The following YEATS2 variants were observed in gnomAD, a reference collection of about 807,000 sequenced individuals.
YEATS2 encodes the protein YEATS domain containing 2.
A neutral mutation model predicts 163.2 loss-of-function variants in YEATS2; 77 were observed. The observed-to-expected ratio is 0.47, with a 90% CI of 0.39 to 0.57. The LOEUF (loss-of-function observed/expected upper bound fraction) is 0.57, where lower values mean the gene tolerates loss of function less well. Among genes scored for constraint, YEATS2 ranks in the 20% least tolerant of loss-of-function variants. The pLI is 0.00. For synonymous variants in YEATS2, 631 were observed against 645.1 expected, an observed-to-expected ratio of 0.98 and a Z score of 0.33; for missense variants, 1,549 against 1,729.8, an observed-to-expected ratio of 0.90 and a Z score of 1.85.
chr3:183,752,196 G>C lies in YEATS2; in HGVS notation c.1093G>C (p.Ala365Pro), dbSNP rs752659665. ...LPLTIPAPVK[A>P]SSPIKQSHEP... ...TTTGACCATTCCAGCCCCAGTGAAAGCTTCTTCACCAATAAAGCAGTCACA... is the reference window on the plus strand; with the variant it reads ...TTTGACCATTCCAGCCCCAGTGAAACCTTCTTCACCAATAAAGCAGTCACA... The change falls in exon 10 of 31, where the codon GCT (alanine) becomes CCT (proline). Residue 365 changes from alanine to proline, a missense_variant. By Grantham distance (27) the Ala-to-Pro change is conservative (BLOSUM62 -1). Transcript: ENST00000305135. 1.9e-6 allele frequency: 3 copies of C among 1,614,082 alleles called. No homozygotes were observed. The highest frequency in any genetic ancestry group is 2.5e-6 in the Non-Finnish European group (3 of 1,180,016).
At chr3:183,711,577 A>G (rs967915771) in intron 1 of YEATS2, among the ~76,000 whole-genome samples, 1 of 152,122 alleles carries the variant, frequency 6.6e-6, no homozygotes, top group African/African-American at 2.4e-5. Context: ...ACGGATGAAT[A>G]TGAACAAACA....
chr3:183,790,322 C>CT (rs1262866149), intron 20 of YEATS2, among the ~76,000 whole-genome samples: 1 of 152,092 alleles, frequency 6.6e-6, no homozygotes, highest in Non-Finnish European at 1.5e-5. Context: ...TCCTTGGTCG[C>CT]TTTTCTCTCA....
chr3:183,726,945 A>G (rs830177), intron 6 of YEATS2, among the ~76,000 whole-genome samples: 66,702 of 151,866 alleles, frequency 0.44, 15,022 homozygotes, highest in East Asian at 0.66. Context: ...GGGATTACAG[A>G]CATGCACCGC....
rs1402320204 is a variant in YEATS2, at chr3:183,697,815, C to A, written c.-198C>A. The A allele has an allele frequency of 6.7e-6, 1 of 149,870 alleles. No individual in the cohort carries two copies. The highest frequency in any genetic ancestry group is 1.5e-5 in the Non-Finnish European group (1 of 67,294). 9.3% of individuals were successfully genotyped at this position (149,870 alleles called of 1,614,324 possible). On this transcript the variant is annotated 5_prime_UTR_variant, in exon 1 of 31. Coordinates refer to ENST00000305135, the MANE Select transcript of YEATS2 (RefSeq NM_018023.5). ...GCGCCCCGACGCGCCCAGCTGCTGA[C>A]GTGCGGGGCGGAACGCGCCGGGCGG...
chr3:183,796,518 G>A (rs1725170108), intron 21 of YEATS2, among the ~76,000 whole-genome samples: 2 of 150,966 alleles, frequency 1.3e-5, no homozygotes, highest in South Asian at 4.2e-4. Context: ...AAAGGCTGCT[G>A]CACAGAGGTA....
chr3:183,796,933 G>T (rs1211652021), intron 21 of YEATS2, among the ~76,000 whole-genome samples: 4 of 152,044 alleles, frequency 2.6e-5, no homozygotes, highest in Non-Finnish European at 2.9e-5. Context: ...GTGGGACGAG[G>T]ATACTTAATC....
At chr3:183,749,961 G>T (rs1719988227) in intron 9 of YEATS2, among the ~76,000 whole-genome samples, 1 of 151,948 alleles carries the variant, frequency 6.6e-6, no homozygotes, top group Admixed American at 6.6e-5. Flanking sequence ...GGGACTACAG[G>T]CACCTGCCAC....
rs367980957 is a variant in YEATS2, at chr3:183,761,454, T to C, written c.1657-53T>C. 5.8e-5 allele frequency: 84 copies of C among 1,452,816 alleles called. 1 individual carries two copies. The African/African-American group carries it at 8.6e-4, about 15-fold the overall frequency. The allele number at this position is 1,452,816 out of a possible 1,614,324, so 90.0% of individuals were successfully genotyped here. ...TGTATTAAATATAAGTGACTAGATA[T>C]CTGAAATCACCCATTTCTCCTGATT... On this transcript the variant is annotated intron_variant, in intron 13 of 30. Coordinates refer to ENST00000305135, the MANE Select transcript of YEATS2 (RefSeq NM_018023.5).
rs1726807766 is a variant in YEATS2 at position 183,811,648 on chromosome 3, G to C, written c.*1065G>C. ...AGATTAGTCTGTGTCCACAAGCAGA[G>C]GCCCCCTCGATGGGAGGGAGTGGCA... On this transcript the variant is annotated 3_prime_UTR_variant, in exon 31 of 31. Transcript: ENST00000305135. The C allele has an allele frequency of 6.6e-6, 1 of 152,632 alleles. No individual in the cohort carries two copies. The highest frequency in any genetic ancestry group is 1.5e-5 in the Non-Finnish European group (1 of 68,138). 9.5% of individuals were successfully genotyped at this position (152,632 alleles called of 1,614,324 possible).
At chr3:183,808,913 T>C in intron 29 of YEATS2, 184 bp from the exon 30 acceptor site, 1 of 559,088 alleles carries the variant, frequency 1.8e-6, no homozygotes. Context: ...CAATTCATAA[T>C]TTCTCAGAAT....
rs1208090529 is a variant in YEATS2, at chr3:183,775,903, T to C, written c.2369-12T>C. 1.2e-6 allele frequency: 2 copies of C among 1,611,820 alleles called. No individual in the cohort carries two copies. Among genetic ancestry groups the C allele is most frequent in the East Asian group, 4.5e-5 (2 of 44,872 alleles). On this transcript the variant is annotated splice_polypyrimidine_tract_variant and intron_variant, in intron 17 of 30. Coordinates refer to ENST00000305135, the MANE Select transcript of YEATS2 (RefSeq NM_018023.5). ...CTTTTTATGATGTTGCTGTCATTCA[T>C]TGTATTTTTAGATCTCCAGTCTGGC...
At chr3:183,734,717 T>C (rs1718159190) in intron 7 of YEATS2, among the ~76,000 whole-genome samples, 1 of 152,174 alleles carries the variant, frequency 6.6e-6, no homozygotes, top group African/African-American at 2.4e-5. Flanking sequence ...AGTGGTGAGT[T>C]CAGGGTCACT....
chr3:183,718,417 C>A, intron 3 of YEATS2, 83 bp from the exon 4 acceptor site: 16 of 940,768 alleles, frequency 1.7e-5, no homozygotes, highest in East Asian at 3.0e-5. Context: ...TTCACTCATT[C>A]ACGTTTCTTA....
In YEATS2 at chr3:183,812,501, T is replaced by C. The variant is rs1213779272; in HGVS notation, c.*1918T>C. On this transcript the variant is annotated 3_prime_UTR_variant, in exon 31 of 31. Coordinates refer to ENST00000305135, the MANE Select transcript of YEATS2 (RefSeq NM_018023.5). Reference sequence around the variant, plus strand: ...CAGGTATCACAGCCTAAAGAAATTATCTTTTTGCAAAAGAAATATTAAATG... The same window carrying C: ...CAGGTATCACAGCCTAAAGAAATTACCTTTTTGCAAAAGAAATATTAAATG... 3 of 152,674 alleles carry C rather than the reference T, an allele frequency of 2.0e-5. No individual in the cohort carries two copies. Among genetic ancestry groups the C allele is most frequent in the South Asian group, 4.1e-4 (2 of 4,832 alleles). 9.5% of individuals were successfully genotyped at this position (152,674 alleles called of 1,614,324 possible).
rs759145989 is a variant in YEATS2, at chr3:183,772,522, T to C, written c.2165T>C (p.Val722Ala). 9 of 1,614,080 alleles carry C rather than the reference T, an allele frequency of 5.6e-6. No individual in the cohort carries two copies. In the East Asian group the frequency reaches 2.0e-4, roughly 36 times the overall value. The change falls in exon 16 of 31, where the codon GTT becomes GCT. Residue 722 changes from valine (V) to alanine (A), a missense_variant. Coordinates refer to ENST00000305135, the MANE Select transcript of YEATS2 (RefSeq NM_018023.5). ...QPVQTLTKAQ[V>A]TAAGPQKSGS... ...GTGCAGACCTTAACCAAGGCCCAGG[T>C]TACTGCCGCTGGTCCTCAGAAGAGT...
chr3:183,740,222 A>T lies in YEATS2; in HGVS notation c.924+3393A>T, dbSNP rs546720541. Among the ~76,000 whole-genome samples the T allele has an allele frequency of 7.2e-5, 11 of 151,864 alleles. 1 individual carries two copies. Among genetic ancestry groups the T allele is most frequent in the African/African-American group, 2.7e-4 (11 of 41,400 alleles). On this transcript the variant is annotated intron_variant, in intron 8 of 30. Coordinates refer to ENST00000305135, the MANE Select transcript of YEATS2 (RefSeq NM_018023.5). ...CAACCTACTCATCTGACAAAGGGCT[A>T]ATATCCAGAATCTACAATGAACTCA... is the stretch of plus-strand genomic sequence containing the variant.
intron 13 of YEATS2, among the ~76,000 whole-genome samples, 163 bp from the exon 14 acceptor site, chr3:183,761,344 C>T (rs553451911): frequency 4.6e-5 from 7 of 152,184 alleles, no homozygotes; most frequent in Non-Finnish European, 1.0e-4. Context: ...ACCTCTGCCT[C>T]CCAAAGTGCT....
At chr3:183,728,308 GTCT>G (rs1349727115) in intron 6 of YEATS2, among the ~76,000 whole-genome samples, 8 of 152,140 alleles carry the variant, frequency 5.3e-5, no homozygotes, top group African/African-American at 1.9e-4. Flanking sequence ...AGCAGGCATT[GTCT>G]TCTTCTATCC....
chr3:183,700,248 A>C (rs1713917749), intron 1 of YEATS2, among the ~76,000 whole-genome samples: 1 of 152,006 alleles, frequency 6.6e-6, no homozygotes, highest in Admixed American at 6.6e-5. Context: ...TGGATGCATG[A>C]TATTTTACTG....
Sources: allele counts gnomAD v4.1 joint callset (sites outside exome capture counted in the v4.1 genomes callset), GRCh38; gene constraint gnomAD v4.1.1; transcripts MANE v1.5; gene names NCBI Gene and HGNC (gene_info 2026-07-23, HGNC 2026-07-21).